The following LHFPL4 variants were observed in gnomAD, a reference collection of about 807,000 sequenced individuals.
LHFPL4 encodes LHFPL tetraspan subfamily member 4 protein.
A neutral mutation model predicts 20.0 loss-of-function variants in LHFPL4; 6 were observed. The ratio of observed to expected loss-of-function variants is 0.30; its 90% CI spans 0.16 to 0.59. LHFPL4 has a LOEUF of 0.59. LHFPL4 is among the 20% of genes least tolerant of loss of function. LHFPL4 has a pLI of 0.88. For synonymous variants in LHFPL4, 129 were observed against 143.8 expected (o/e 0.90, Z 0.74); for missense variants, 215 against 331.2 (o/e 0.65, Z 2.72).
At chr3:9,510,012 A>G (rs929551893) in intron 2 of LHFPL4, among the ~76,000 whole-genome samples, 2 of 152,204 alleles carry the variant, frequency 1.3e-5, no homozygotes, top group Admixed American at 6.5e-5. Context: ...AGGATGGCAC[A>G]AGCTTTCTCA....
intron 2 of LHFPL4, among the ~76,000 whole-genome samples, chr3:9,526,649 A>G (rs2046377444): frequency 6.6e-6 from 1 of 152,188 alleles, no homozygotes; most frequent in African/African-American, 2.4e-5. Context: ...GAAACAGGGT[A>G]CCTGCAGATA....
At position 9,499,636 on chromosome 3, in the gene LHFPL4, C is replaced by G. The variant is rs1429705604; in HGVS notation, c.*2575G>C. On this transcript the variant is annotated 3_prime_UTR_variant, in exon 4 of 4. Transcript: ENST00000287585. ...GTCCTCTGAAGTGGCTTCCTTCACTCCAGTTCTTCCCAAAAGGATGCGGCC... is the reference window on the plus strand; with the variant it reads ...GTCCTCTGAAGTGGCTTCCTTCACTGCAGTTCTTCCCAAAAGGATGCGGCC... 2 of 152,746 alleles carry G rather than the reference C, an allele frequency of 1.3e-5. No individual in the cohort carries two copies. Among genetic ancestry groups the G allele is most frequent in the Non-Finnish European group, 2.9e-5 (2 of 68,474 alleles). 9.5% of individuals were successfully genotyped at this position (152,746 alleles called of 1,614,324 possible).
At chr3:9,518,319 T>A (rs2046316781) in intron 2 of LHFPL4, among the ~76,000 whole-genome samples, 1 of 152,194 alleles carries the variant, frequency 6.6e-6, no homozygotes, top group South Asian at 2.1e-4. Context: ...AATAATTTGT[T>A]GATGATTTTG....
chr3:9,524,731 G>A (rs1574845915), intron 2 of LHFPL4, among the ~76,000 whole-genome samples: 1 of 152,102 alleles, frequency 6.6e-6, no homozygotes, highest in South Asian at 2.1e-4. Flanking sequence ...ATTCCAACAT[G>A]CCTGCCATAA....
chr3:9,523,053 A>AG (rs1197191151), intron 2 of LHFPL4, among the ~76,000 whole-genome samples: 34 of 111,742 alleles, frequency 3.0e-4, no homozygotes, highest in Admixed American at 9.7e-4. Context: ...AAAAAAAAAA[A>AG]AAAAAGAAAG....
chr3:9,543,408 G>A (rs1291556359), intron 2 of LHFPL4, among the ~76,000 whole-genome samples: 5 of 152,108 alleles, frequency 3.3e-5, no homozygotes, highest in South Asian at 2.1e-4. Context: ...GGCTGAGGAA[G>A]GAGAATCGCA....
At chr3:9,522,824 G>A (rs576487622) in intron 2 of LHFPL4, among the ~76,000 whole-genome samples, 132 of 149,454 alleles carry the variant, frequency 8.8e-4, no homozygotes, top group African/African-American at 3.1e-3. Flanking sequence ...GGTGGATCAC[G>A]AGGTCAGGAG....
In LHFPL4 at chr3:9,552,579, G is replaced by A; in HGVS notation, c.101C>T (p.Ala34Val). 6.2e-7 allele frequency: 1 copy of A among 1,613,960 alleles called. No homozygotes were observed. Among genetic ancestry groups the A allele is most frequent in the Non-Finnish European group, 8.5e-7 (1 of 1,179,954 alleles). Residue 34 changes from alanine (A) to valine (V), a missense_variant, in exon 2 of 4, where the codon GCC (alanine) becomes GTC (valine). Physicochemically the swap from Ala to Val is moderately conservative, Grantham distance 64. Coordinates refer to ENST00000287585, the MANE Select transcript of LHFPL4 (RefSeq NM_198560.3). ...VLWAIFTICF[A>V]IINVVVFIQP... ...GATGAAGACCACCACGTTGATGATG[G>A]CGAAGCAGATGGTGAAGATGGCCCA...
At chr3:9,518,763 C>CTTTTTT (rs200085791) in intron 2 of LHFPL4, among the ~76,000 whole-genome samples, 2 of 136,342 alleles carry the variant, frequency 1.5e-5, no homozygotes, top group Admixed American at 7.4e-5. Context: ...TTGTTCATTT[C>CTTTTTT]TTTTTTTTTT....
intron 2 of LHFPL4, among the ~76,000 whole-genome samples, chr3:9,550,369 C>T (rs1037082262): frequency 2.0e-5 from 3 of 152,200 alleles, no homozygotes; most frequent in African/African-American, 4.8e-5. Context: ...CAAGGACCCC[C>T]GGCTGTAGAA....
intron 2 of LHFPL4, chr3:9,550,913 G>T (rs1019986278): frequency 1.3e-5 from 2 of 152,190 alleles, no homozygotes; most frequent in African/African-American, 2.4e-5. Context: ...ATTTGTAAAA[G>T]TCCTCTTGTG....
At chr3:9,520,913 A>G (rs199829185) in intron 2 of LHFPL4, among the ~76,000 whole-genome samples, 4 of 152,104 alleles carry the variant, frequency 2.6e-5, no homozygotes, top group Non-Finnish European at 5.9e-5. Context: ...ACAGATATCC[A>G]TTATATGCAT....
rs896115419 is a variant in LHFPL4 at position 9,500,413 on chromosome 3, C to T, written c.*1798G>A. On this transcript the variant is annotated 3_prime_UTR_variant, in exon 4 of 4. Transcript: ENST00000287585. ...CTGGGACCAGAGCACTGCGGGGAGGCTTTGCCCGGGAGGAGTAAGTGGAGG... is the reference window on the plus strand; with the variant it reads ...CTGGGACCAGAGCACTGCGGGGAGGTTTTGCCCGGGAGGAGTAAGTGGAGG... The T allele has an allele frequency of 6.6e-5, 10 of 152,472 alleles. No homozygotes were observed. The highest frequency in any genetic ancestry group is 2.4e-4 in the African/African-American group (10 of 41,460). The allele number at this position is 152,472 out of a possible 1,614,324, so 9.4% of individuals were successfully genotyped here.
intron 2 of LHFPL4, among the ~76,000 whole-genome samples, chr3:9,512,950 T>C (rs2046270878): frequency 7.1e-6 from 1 of 139,926 alleles, no homozygotes; most frequent in African/African-American, 2.5e-5. Flanking sequence ...CATTTTTTTG[T>C]TTGTTTGTTT....
chr3:9,512,595 T>TAA (rs2046268529), intron 2 of LHFPL4, among the ~76,000 whole-genome samples: 1 of 152,220 alleles, frequency 6.6e-6, no homozygotes, highest in African/African-American at 2.4e-5. Context: ...AATTTTTAGC[T>TAA]AAGACCTTGA....
In LHFPL4 at chr3:9,543,729, G is replaced by GTTTTTTTTTT. The variant is rs58872967; in HGVS notation, c.406+8535_406+8544dup. 3.3e-5 allele frequency among the ~76,000 whole-genome samples: 4 copies of GTTTTTTTTTT among 119,652 alleles called. 1 individual carries two copies. The highest frequency in any genetic ancestry group is 2.5e-4 in the East Asian group (1 of 4,078). The allele number at this position is 119,652 out of a possible 152,430, so 78.5% of individuals were successfully genotyped here. On this transcript the variant is annotated intron_variant, in intron 2 of 3. Transcript: ENST00000287585. ...GGTGATTTGTTTGTTTTTGGTTTTG[G>GTTTTTTTTTT]TTTTTTTTTTTTTTTTTTTGAGTCA...
Position 9,506,121 on chromosome 3 carries a change from C to A in LHFPL4, c.489G>T (p.Thr163=), listed in dbSNP as rs550580684. 5.1e-5 allele frequency: 83 copies of A among 1,614,178 alleles called. No homozygotes were observed. In the South Asian group the frequency reaches 8.8e-4, roughly 17 times the overall value. ...ETIRDMCGAK[T]GKYSLGDCSV... is the part of the protein sequence containing the mutation. ...AACAGTCCCCCAGGGAGTACTTCCC[C>A]GTCTTGGCCCCACACATGTCCCGGA... The change falls in exon 3 of 4, where the codon ACG becomes ACT. Residue 163 remains threonine, a synonymous_variant. Transcript: ENST00000287585. The surrounding 1 kb of genome is among the most constrained non-coding windows in gnomAD (Gnocchi z 4.5).
At chr3:9,504,468 A>G (rs996804971) in intron 3 of LHFPL4, among the ~76,000 whole-genome samples, 1 of 151,776 alleles carries the variant, frequency 6.6e-6, no homozygotes, top group Non-Finnish European at 1.5e-5. Context: ...CTCCCCTTCC[A>G]TCATAACCAC....
At chr3:9,524,284 G>A (rs2046360063) in intron 2 of LHFPL4, among the ~76,000 whole-genome samples, 1 of 151,464 alleles carries the variant, frequency 6.6e-6, no homozygotes, top group Non-Finnish European at 1.5e-5. Context: ...ATGGTTTGGT[G>A]TCTAACAATA....
Sources: gnomAD v4.1 joint callset for allele counts (sites outside exome capture counted in the v4.1 genomes callset) on GRCh38, gnomAD v4.1.1 for gene constraint, Gnocchi (gnomAD v3.1) non-coding constraint, MANE v1.5 for transcripts, NCBI Gene and HGNC (gene_info 2026-07-23, HGNC 2026-07-21) for gene names.